ANO9: variants seen among roughly 807,000 people sequenced by gnomAD.
ANO9 encodes anoctamin-9.
ANO9 carries 80 observed loss-of-function variants against 100.5 expected under a neutral mutation model. That is an observed-to-expected ratio of 0.80 (90% CI 0.66 to 0.96). ANO9 has a LOEUF of 0.96. Ranked by LOEUF, ANO9 falls within the 40% of genes least tolerant of loss-of-function variation. The pLI, the probability that ANO9 is intolerant of heterozygous loss-of-function variation, is 0.00. For missense variants in ANO9, 1,064 were observed against 1,072.7 expected, an observed-to-expected ratio of 0.99 and a Z score of 0.11; for synonymous variants, 473 against 435.6, an observed-to-expected ratio of 1.09 and a Z score of -1.07.
At position 419,675 on chromosome 11, in the gene ANO9, C is replaced by G; in HGVS notation, c.1841G>C (p.Gly614Ala). The G allele has an allele frequency of 6.2e-7, 1 of 1,611,946 alleles. No homozygotes were observed. The highest frequency in any genetic ancestry group is 8.5e-7 in the Non-Finnish European group (1 of 1,179,678). ...TIGVLAVIAN[G>A]MVIAFTSEFI... is the part of the protein sequence containing the mutation. Reference sequence around the variant, plus strand: ...CTCAGATGTGAAGGCAATGACCATCCCATTGGCAATGACCGCCAGCACACC... The same window carrying G: ...CTCAGATGTGAAGGCAATGACCATCGCATTGGCAATGACCGCCAGCACACC... The change falls in exon 20 of 23, where the codon GGG becomes GCG. Residue 614 changes from glycine to alanine, a missense_variant. Transcript: ENST00000332826.
chr11:429,694 G>A, intron 10 of ANO9, 42 bp from the exon 11 acceptor site: 1 of 1,612,510 alleles, frequency 6.2e-7, no homozygotes, highest in East Asian at 2.2e-5. Flanking sequence ...ACTACGCCAG[G>A]TGGACCTCGG....
At chr11:434,933 T>G (rs1466887042) in intron 1 of ANO9, among the ~76,000 whole-genome samples, 1 of 152,188 alleles carries the variant, frequency 6.6e-6, no homozygotes, top group Non-Finnish European at 1.5e-5. Flanking sequence ...CCCTCCCCTC[T>G]GCCAGCCGCA....
At chr11:419,393 T>A in intron 20 of ANO9, 189 bp downstream of exon 20, 2 of 1,422,852 alleles carry the variant, frequency 1.4e-6, no homozygotes, top group Non-Finnish European at 1.8e-6. Flanking sequence ...CAGTTATCCC[T>A]GACCTCCAGC....
At chr11:419,927 G>A in intron 19 of ANO9, 198 bp from the exon 20 acceptor site, 1 of 1,419,318 alleles carries the variant, frequency 7.0e-7, no homozygotes, top group Non-Finnish European at 9.2e-7. Flanking sequence ...CCCTCACCCT[G>A]ACATGGACAG....
intron 19 of ANO9, chr11:420,109 C>T (rs558014025): frequency 1.1e-4 from 145 of 1,320,056 alleles, no homozygotes; most frequent in Non-Finnish European, 1.3e-4. Context: ...CCCCAGCTCC[C>T]GTCGCTCCCC....
rs769339104 is a variant in ANO9 at position 428,499 on chromosome 11, A to T, written c.1161T>A (p.Tyr387Ter). ...CCTTGGTCATGATGATGATGGTCAC[A>T]TAGTGCACCAGAGCCCCGGTCACCA... ...AVVVTGALVH[Y>*]VTIIIMTKIN... The change falls in exon 13 of 23, where the codon TAT (tyrosine) becomes TAA (stop). Residue 387 changes from tyrosine (Y) to a stop codon, truncating the protein, a stop_gained. Transcript: ENST00000332826. LOFTEE classifies it high-confidence loss of function. 1.3e-5 allele frequency: 21 copies of T among 1,612,500 alleles called. No individual in the cohort carries two copies. The South Asian group carries it at 1.5e-4, about 12-fold the overall frequency.
chr11:436,102 G>A lies in ANO9; in HGVS notation c.7-2004C>T, dbSNP rs552955100. On this transcript the variant is annotated intron_variant, in intron 1 of 22. Transcript: ENST00000332826. The stretch of plus-strand genomic sequence containing the variant: ...TTTTTTTTGAGACAGAGTTTTCCTC[G>A]TGATGCCTAGGCTGGAGTGCAGTGG... Among the ~76,000 whole-genome samples, 280 of 115,210 alleles carry A rather than the reference G, an allele frequency of 2.4e-3. 1 individual carries two copies. Among genetic ancestry groups the A allele is most frequent in the Admixed American group, 4.7e-3 (37 of 7,816 alleles). The allele number at this position is 115,210 out of a possible 152,430, so 75.6% of individuals were successfully genotyped here. A position where few individuals can be genotyped will look rare whatever the true frequency, so the allele number is the denominator to read the frequency against.
Position 419,728 on chromosome 11 carries a change from C to T in ANO9, c.1788G>A (p.Gly596=), listed in dbSNP as rs1290016322. 1 of 1,612,692 alleles carries T rather than the reference C, an allele frequency of 6.2e-7. No individual in the cohort carries two copies. The highest frequency in any genetic ancestry group is 1.7e-5 in the Admixed American group (1 of 59,970). ...TGGTCTCCAGCACCTGCAGCCAGGT[C>T]CCTGCACCAGAGCAGTGGGCAAGCG... The part of the protein sequence containing the change: ...RLVPRKAKDI[G]TWLQVLETIG... The change falls in exon 20 of 23, where the codon GGG becomes GGA. Residue 596 remains glycine, a splice_region_variant and synonymous_variant. Coordinates refer to ENST00000332826, the MANE Select transcript of ANO9 (RefSeq NM_001012302.3).
chr11:431,920 G>A lies in ANO9; in HGVS notation c.407-14C>T. On this transcript the variant is annotated splice_polypyrimidine_tract_variant and intron_variant, in intron 5 of 22. Transcript: ENST00000332826. ...CCTCGAAGGTCTCTGGGTCACAGGG[G>A]TTCACGAGTCAGGGGGAGTGAGGTG... The A allele has an allele frequency of 6.2e-7, 1 of 1,611,344 alleles. No individual in the cohort carries two copies. The highest frequency in any genetic ancestry group is 8.5e-7 in the Non-Finnish European group (1 of 1,178,566).
At chr11:433,160 A>C (rs1471391984) in intron 4 of ANO9, 154 bp downstream of exon 4, 4 of 986,226 alleles carry the variant, frequency 4.1e-6, no homozygotes, top group Non-Finnish European at 5.7e-6. Flanking sequence ...TCACACAGCC[A>C]GTGGGTCTCA....
rs764486606 is a variant in ANO9 at position 418,377 on chromosome 11, G to T, written c.2343C>A (p.Asp781Glu). ...CTCTGGACGGGCTCTGGCCCTACAC[G>T]TCTGTGCTCCTGGCACTGAAGATGG... The part of the protein sequence containing the change: ...PASIFSARST[D>E]V The change falls in exon 23 of 23, where the codon GAC (aspartate) becomes GAA (glutamate). Residue 781 changes from aspartate to glutamate, a missense_variant. By Grantham distance (45) the Asp-to-Glu change is conservative. Coordinates refer to ENST00000332826, the MANE Select transcript of ANO9 (RefSeq NM_001012302.3). 1 of 1,607,980 alleles carries T rather than the reference G, an allele frequency of 6.2e-7. No individual in the cohort carries two copies. The highest frequency in any genetic ancestry group is 8.5e-7 in the Non-Finnish European group (1 of 1,177,666).
intron 1 of ANO9, among the ~76,000 whole-genome samples, chr11:440,986 TCTCTC>T (rs1845831612): frequency 6.6e-6 from 1 of 152,128 alleles, no homozygotes; most frequent in African/African-American, 2.4e-5. Flanking sequence ...CAGCCCCAAG[TCTCTC>T]CTCTAACCCC....
At chr11:419,841 CCT>C (rs1848068591) in intron 19 of ANO9, 112 bp from the exon 20 acceptor site, 20 of 1,517,002 alleles carry the variant, frequency 1.3e-5, no homozygotes, top group African/African-American at 8.3e-5. Flanking sequence ...CGTGGTGTCC[CCT>C]TGCAGCCCTA....
rs915561492 is a variant in ANO9, at chr11:421,170, G to T, written c.1363C>A (p.Arg455Ser). The T allele has an allele frequency of 1.9e-6, 3 of 1,564,804 alleles. No individual in the cohort carries two copies. The highest frequency in any genetic ancestry group is 1.7e-6 in the Non-Finnish European group (2 of 1,151,370). ...RINGHPGKST[R>S]LAGLWKLEEC... ...TCCAGCTTCCACAAGCCCGCCAGGC[G>T]CGTGGACTTCCCGGGGTGGCCGTTG... Residue 455 changes from arginine (R) to serine (S), a missense_variant, in exon 16 of 23, where the codon CGC becomes AGC. Arg to Ser is a moderately radical substitution (Grantham distance 110). Coordinates refer to ENST00000332826, the MANE Select transcript of ANO9 (RefSeq NM_001012302.3). This position sits in a 1 kb window ranked among gnomAD's most constrained non-coding sequence, Gnocchi z 6.8.
Position 432,339 on chromosome 11 carries a change from G to GC in ANO9, c.351-286dup, listed in dbSNP as rs1849081228. 2 of 501,334 alleles carry GC rather than the reference G, an allele frequency of 4.0e-6. No homozygotes were observed. The highest frequency in any genetic ancestry group is 7.3e-6 in the Non-Finnish European group (2 of 275,260). The allele number at this position is 501,334 out of a possible 1,614,324, so 31.1% of individuals were successfully genotyped here. On this transcript the variant is annotated intron_variant, in intron 4 of 22. Transcript: ENST00000332826. The surrounding 1 kb of genome is among the most constrained non-coding windows in gnomAD (Gnocchi z 4.8). ...GTCCCTCCCAGAAGCCCAGACCACA[G>GC]CCCGCACCTGCAACCACACCTCCCA... is the stretch of plus-strand genomic sequence containing the variant.
intron 1 of ANO9, among the ~76,000 whole-genome samples, chr11:434,437 C>T (rs527379570): frequency 3.3e-4 from 51 of 152,334 alleles, no homozygotes; most frequent in African/African-American, 1.0e-3. Context: ...GCCAAGGAAA[C>T]GCAGGTCAGA....
Position 433,328 on chromosome 11 carries a change from G to C in ANO9, c.336C>G (p.Ile112Met). Residue 112 changes from isoleucine (I) to methionine (M), a missense_variant, in exon 4 of 23, where the codon ATC becomes ATG. Coordinates refer to ENST00000332826, the MANE Select transcript of ANO9 (RefSeq NM_001012302.3). ...PHAELAAPTTIPVTTSLRIRI... is the reference protein window; with the variant it reads ...PHAELAAPTTMPVTTSLRIRI... The stretch of plus-strand genomic sequence containing the variant: ...CAGCCTCTCACCTCGTGGTGACCGG[G>C]ATGGTGGTCGGCGCGGCCAGCTCGG... The C allele has an allele frequency of 6.2e-7, 1 of 1,612,610 alleles. No homozygotes were observed. Among genetic ancestry groups the C allele is most frequent in the Non-Finnish European group, 8.5e-7 (1 of 1,179,718 alleles).
intron 15 of ANO9, among the ~76,000 whole-genome samples, chr11:425,724 G>GT (rs1564912189): frequency 1.3e-5 from 2 of 148,966 alleles, no homozygotes; most frequent in Non-Finnish European, 3.0e-5. Flanking sequence ...TTTGTTTTTT[G>GT]TTTGTTTGTT....
chr11:440,844 T>C, intron 1 of ANO9, among the ~76,000 whole-genome samples: 1 of 151,696 alleles, frequency 6.6e-6, no homozygotes, highest in Non-Finnish European at 1.5e-5. Flanking sequence ...AGCAATCCTC[T>C]TGCCTCAGCT....
Sources: gnomAD v4.1 joint callset for allele counts (sites outside exome capture counted in the v4.1 genomes callset) on GRCh38, gnomAD v4.1.1 for gene constraint, Gnocchi (gnomAD v3.1) non-coding constraint, MANE v1.5 for transcripts, NCBI Gene and HGNC (gene_info 2026-07-23, HGNC 2026-07-21) for gene names.